ADAD1: variants seen among roughly 807,000 people sequenced by gnomAD.
ADAD1 encodes adenosine deaminase domain-containing protein 1.
In ADAD1, 46 loss-of-function variants were observed where a neutral mutation model predicts 66.8. That is an observed-to-expected ratio of 0.69 (90% CI 0.54 to 0.88). The LOEUF (loss-of-function observed/expected upper bound fraction) is 0.88. Among genes scored for constraint, ADAD1 ranks in the 40% least tolerant of loss-of-function variants. The pLI is 0.00. For synonymous variants in ADAD1, 248 were observed against 229.4 expected (o/e 1.08, Z -0.73); for missense variants, 617 against 681.8 (o/e 0.91, Z 1.06).
At chr4:122,397,345 GT>G (rs1346443405) in intron 7 of ADAD1, among the ~76,000 whole-genome samples, 5 of 152,122 alleles carry the variant, frequency 3.3e-5, no homozygotes, top group African/African-American at 1.2e-4. Context: ...ATCAGACTCA[GT>G]TCTGCTATTT....
intron 12 of ADAD1, 32 bp from the exon 13 acceptor site, chr4:122,429,594 T>A (rs746678046): frequency 1.5e-5 from 21 of 1,444,724 alleles, no homozygotes; most frequent in Non-Finnish European, 1.9e-5. Flanking sequence ...TGCTGCCTAT[T>A]TTCTATAATT....
At chr4:122,381,675 T>C (rs931445533) in intron 4 of ADAD1, among the ~76,000 whole-genome samples, 1 of 152,232 alleles carries the variant, frequency 6.6e-6, no homozygotes, top group African/African-American at 2.4e-5. Flanking sequence ...TCTGTAACCA[T>C]GCTGTGCCTG....
chr4:122,385,930 T>C (rs189088047), intron 5 of ADAD1, among the ~76,000 whole-genome samples: 30 of 152,352 alleles, frequency 2.0e-4, no homozygotes, highest in African/African-American at 7.0e-4. Context: ...ATTTTCTTTA[T>C]CCATTCTATC....
chr4:122,412,152 T>A (rs1796493862), intron 9 of ADAD1, among the ~76,000 whole-genome samples: 2 of 152,184 alleles, frequency 1.3e-5, no homozygotes, highest in South Asian at 4.1e-4. Context: ...GTCAGTGTTC[T>A]CTAGAAAGAA....
chr4:122,426,772 A>G (rs1183779534), intron 12 of ADAD1, among the ~76,000 whole-genome samples: 5 of 152,242 alleles, frequency 3.3e-5, no homozygotes, highest in Non-Finnish European at 5.9e-5. Context: ...GCGTTTGACA[A>G]AGTCCAGCAC....
intron 11 of ADAD1, among the ~76,000 whole-genome samples, chr4:122,415,939 G>A (rs1360480429): frequency 6.6e-6 from 1 of 152,070 alleles, no homozygotes; most frequent in Non-Finnish European, 1.5e-5. Context: ...CATATCATTA[G>A]TATTAGAATC....
At chr4:122,394,254 T>G (rs565102807) in intron 6 of ADAD1, among the ~76,000 whole-genome samples, 2 of 152,178 alleles carry the variant, frequency 1.3e-5, no homozygotes, top group Non-Finnish European at 2.9e-5. Context: ...GTAACTAATA[T>G]TATTTTATTA....
chr4:122,426,303 A>T (rs896079385), intron 12 of ADAD1, among the ~76,000 whole-genome samples: 5 of 152,176 alleles, frequency 3.3e-5, no homozygotes, highest in African/African-American at 1.2e-4. Flanking sequence ...TAACAATAGA[A>T]TATCCAAATA....
chr4:122,402,895 C>T (rs1018307110), intron 7 of ADAD1, among the ~76,000 whole-genome samples: 1 of 151,670 alleles, frequency 6.6e-6, no homozygotes, highest in Non-Finnish European at 1.5e-5. Flanking sequence ...TTATCCATAC[C>T]CTATATATGT....
At chr4:122,423,967 G>T (rs1037211873) in intron 12 of ADAD1, among the ~76,000 whole-genome samples, 1 of 152,068 alleles carries the variant, frequency 6.6e-6, no homozygotes, top group South Asian at 2.1e-4. Context: ...AAGCTGAATT[G>T]TACACTTTAA....
At position 122,380,055 on chromosome 4, in the gene ADAD1, C is replaced by A; in HGVS notation, c.-8-7C>A. On this transcript the variant is annotated splice_polypyrimidine_tract_variant and splice_region_variant and intron_variant, in intron 2 of 12. Transcript: ENST00000296513. The stretch of plus-strand genomic sequence containing the variant: ...TTGTTTTCTGCCAATTTTATCGTGA[C>A]CTCTAGGTGAGAAAATGGCTAGCAA... 3 of 1,607,684 alleles carry A rather than the reference C, an allele frequency of 1.9e-6. No individual in the cohort carries two copies. The highest frequency in any genetic ancestry group is 8.5e-7 in the Non-Finnish European group (1 of 1,177,510).
At chr4:122,409,274 G>A (rs1436663872) in intron 8 of ADAD1, among the ~76,000 whole-genome samples, 1 of 152,016 alleles carries the variant, frequency 6.6e-6, no homozygotes, top group African/African-American at 2.4e-5. Context: ...ATGTAAAATG[G>A]GAAATGAGTG....
intron 7 of ADAD1, among the ~76,000 whole-genome samples, chr4:122,396,649 A>T (rs1276436035): frequency 6.6e-6 from 1 of 152,210 alleles, no homozygotes; most frequent in Non-Finnish European, 1.5e-5. Flanking sequence ...GTCCTCAGTA[A>T]CATTAAGAGT....
At chr4:122,411,103 A>T in intron 8 of ADAD1, 119 bp from the exon 9 acceptor site, 1 of 759,364 alleles carries the variant, frequency 1.3e-6, no homozygotes, top group Non-Finnish European at 2.0e-6. Context: ...AGGAGTTCTT[A>T]CCTGTGTCAA....
chr4:122,383,803 T>A lies in ADAD1; in HGVS notation c.366T>A (p.Asn122Lys), dbSNP rs1795024452. The change falls in exon 5 of 13, where the codon AAT (asparagine) becomes AAA (lysine). Residue 122 changes from asparagine to lysine, a missense_variant. Transcript: ENST00000296513. ...CATTCTGAGTTCTTTTTCAAGGTAA[T>A]GTTATGGGACCATATTTTGCCTTTT... ...LDLKETVTTG[N>K]VMGPYFAFCA... is the part of the protein sequence containing the mutation. 1 of 1,589,712 alleles carries A rather than the reference T, an allele frequency of 6.3e-7. No homozygotes were observed. Among genetic ancestry groups the A allele is most frequent in the African/African-American group, 1.4e-5 (1 of 73,592 alleles).
intron 10 of ADAD1, among the ~76,000 whole-genome samples, chr4:122,413,659 T>G (rs1796573732): frequency 6.6e-6 from 1 of 151,916 alleles, no homozygotes; most frequent in Non-Finnish European, 1.5e-5. Flanking sequence ...AGAAATCCAC[T>G]TTAAATATAG....
At chr4:122,429,137 AAG>A (rs1221431725) in intron 12 of ADAD1, among the ~76,000 whole-genome samples, 14 of 129,888 alleles carry the variant, frequency 1.1e-4, no homozygotes, top group African/African-American at 6.7e-4. Context: ...AAAAAAAAAA[AAG>A]AACAAGAAGA....
intron 5 of ADAD1, among the ~76,000 whole-genome samples, chr4:122,387,340 G>C (rs1378588454): frequency 6.6e-6 from 1 of 152,032 alleles, no homozygotes; most frequent in African/African-American, 2.4e-5. Context: ...CTCTCTGCTT[G>C]CCTACTGTTG....
chr4:122,404,487 G>C (rs1796119198), intron 7 of ADAD1, among the ~76,000 whole-genome samples: 1 of 152,152 alleles, frequency 6.6e-6, no homozygotes, highest in African/African-American at 2.4e-5. Flanking sequence ...TGTGTGTTCA[G>C]AGGTAGGCTT....
Sources: gnomAD v4.1 joint callset for allele counts (sites outside exome capture counted in the v4.1 genomes callset) on GRCh38, gnomAD v4.1.1 for gene constraint, MANE v1.5 for transcripts, NCBI Gene and HGNC (gene_info 2026-07-23, HGNC 2026-07-21) for gene names.